The following PPP2R5D variants were observed in gnomAD, a reference collection of about 807,000 sequenced individuals.
PPP2R5D encodes serine/threonine-protein phosphatase 2A 56 kDa regulatory subunit delta isoform.
A neutral mutation model predicts 79.1 loss-of-function variants in PPP2R5D; 12 were observed. The ratio of observed to expected loss-of-function variants is 0.15; its 90% CI spans 0.10 to 0.25. The LOEUF (loss-of-function observed/expected upper bound fraction) is 0.25. Ranked by LOEUF, PPP2R5D falls within the 10% of genes least tolerant of loss-of-function variation. The pLI is 1.00. For missense variants in PPP2R5D, 419 were observed against 760.2 expected (o/e 0.55, Z 5.28); for synonymous variants, 277 against 286.6 (o/e 0.97, Z 0.34).
chr6:42,984,829 G>C (rs1770706337), intron 1 of PPP2R5D, 125 bp downstream of exon 1: 1 of 1,426,372 alleles, frequency 7.0e-7, no homozygotes, highest in South Asian at 1.4e-5. Context: ...GGACTCCTGG[G>C]GCCAGCCCTC....
chr6:42,990,181 A>G (rs1771159371), intron 2 of PPP2R5D, among the ~76,000 whole-genome samples: 1 of 152,238 alleles, frequency 6.6e-6, no homozygotes, highest in African/African-American at 2.4e-5. Context: ...AGCGCAGCTT[A>G]GCAATCTCGG....
At position 42,994,287 on chromosome 6, in the gene PPP2R5D, T is replaced by C. The variant is rs149959713; in HGVS notation, c.105+4599T>C. On this transcript the variant is annotated intron_variant, in intron 2 of 15. Coordinates refer to ENST00000485511, the MANE Select transcript of PPP2R5D (RefSeq NM_006245.4). ...CTTGGGGGAGAGAGCAAGACTCTTGTCTCAAAAGGAAATGTTAAGTAGCTT... is the reference window on the plus strand; with the variant it reads ...CTTGGGGGAGAGAGCAAGACTCTTGCCTCAAAAGGAAATGTTAAGTAGCTT... 1.0e-3 allele frequency among the ~76,000 whole-genome samples: 155 copies of C among 152,264 alleles called. 1 individual carries two copies. Among genetic ancestry groups the C allele is most frequent in the Non-Finnish European group, 1.7e-3 (117 of 68,022 alleles).
chr6:43,005,154 T>C (rs1762001629), intron 2 of PPP2R5D, among the ~76,000 whole-genome samples: 1 of 151,786 alleles, frequency 6.6e-6, no homozygotes, highest in Non-Finnish European at 1.5e-5. Flanking sequence ...TTTTTTTTTT[T>C]TTTCTTTTTG....
rs537626062 is a variant in PPP2R5D at position 43,004,790 on chromosome 6, C to T, written c.106-1673C>T. Among the ~76,000 whole-genome samples the T allele has an allele frequency of 2.9e-4, 44 of 149,962 alleles. 1 individual carries two copies. Among genetic ancestry groups the T allele is most frequent in the African/African-American group, 1.0e-3 (42 of 40,684 alleles). On this transcript the variant is annotated intron_variant, in intron 2 of 15. Transcript: ENST00000485511. ...TTTTTTTTTGAGGCAGAGTCTCACT[C>T]TGTCATCCAGGCTGGAGTGCAATGG...
rs1762159592 is a variant in PPP2R5D, at chr6:43,007,617, C to T, written c.726+111C>T. 9.0e-7 allele frequency: 1 copy of T among 1,117,020 alleles called. No homozygotes were observed. Among genetic ancestry groups the T allele is most frequent in the African/African-American group, 1.6e-5 (1 of 64,306 alleles). The allele number at this position is 1,117,020 out of a possible 1,614,324, so 69.2% of individuals were successfully genotyped here. On this transcript the variant is annotated intron_variant, in intron 6 of 15. Transcript: ENST00000485511. The surrounding 1 kb of genome is among the most constrained non-coding windows in gnomAD (Gnocchi z 4.5). ...TGAATATATTGGGTTTCATCCATGT[C>T]TGGTACGAGGAGGCTATAAAGGGTA...
chr6:43,011,117 C>G (rs1386085887), intron 15 of PPP2R5D, 32 bp from the exon 16 acceptor site: 1 of 1,613,816 alleles, frequency 6.2e-7, no homozygotes, highest in Non-Finnish European at 8.5e-7. Flanking sequence ...GAATTGGTCA[C>G]CATTCCTCAC....
rs1771838823 is a variant in PPP2R5D at position 42,998,013 on chromosome 6, ATTTATATATATAT to A, written c.105+8326_105+8338del. Among the ~76,000 whole-genome samples the A allele has an allele frequency of 5.4e-3, 208 of 38,418 alleles. 18 individuals carry two copies. Among genetic ancestry groups the A allele is most frequent in the African/African-American group, 0.016 (192 of 11,968 alleles). The allele number at this position is 38,418 out of a possible 152,430, so 25.2% of individuals were successfully genotyped here. A position where few individuals can be genotyped will look rare whatever the true frequency, so the allele number is the denominator to read the frequency against. On this transcript the variant is annotated intron_variant, in intron 2 of 15. Transcript: ENST00000485511. ...ATTTATATTTGAATATTTGGGTTTT[ATTTATATATATAT>A]ATATATATATATATATATATATATA... is the stretch of plus-strand genomic sequence containing the variant.
Position 43,008,991 on chromosome 6 carries a change from G to T in PPP2R5D, c.1081-66G>T. 2 of 1,562,726 alleles carry T rather than the reference G, an allele frequency of 1.3e-6. No homozygotes were observed. Among genetic ancestry groups the T allele is most frequent in the South Asian group, 2.4e-5 (2 of 84,814 alleles). ...CCAGGGTGGGGGAGAGAGCAGGTAG[G>T]AAAACTTCCTGGTGACCTAGGCAGG... On this transcript the variant is annotated intron_variant, in intron 10 of 15. Transcript: ENST00000485511. This position sits in a 1 kb window ranked among gnomAD's most constrained non-coding sequence, Gnocchi z 4.2.
chr6:43,005,555 T>C (rs1192257803), intron 2 of PPP2R5D, among the ~76,000 whole-genome samples: 2 of 152,162 alleles, frequency 1.3e-5, no homozygotes, highest in African/African-American at 4.8e-5. Context: ...ATCCTCCTGC[T>C]TTGGCTTCCC....
At position 42,998,054 on chromosome 6, in the gene PPP2R5D, TA is replaced by T. The variant is rs1561844052; in HGVS notation, c.105+8367del. On this transcript the variant is annotated intron_variant, in intron 2 of 15. Coordinates refer to ENST00000485511, the MANE Select transcript of PPP2R5D (RefSeq NM_006245.4). ...ATATATATATATATATATATATATA[TA>T]TATTTTTTTTTTTTTTTTTTTTTTT... is the stretch of plus-strand genomic sequence containing the variant. Among the ~76,000 whole-genome samples the T allele has an allele frequency of 1.6e-3, 38 of 23,458 alleles. 1 individual carries two copies. Among genetic ancestry groups the T allele is most frequent in the African/African-American group, 2.1e-3 (16 of 7,700 alleles). 15.4% of individuals were successfully genotyped at this position (23,458 alleles called of 152,430 possible). A position where few individuals can be genotyped will look rare whatever the true frequency, so the allele number is the denominator to read the frequency against.
At chr6:42,999,279 ACAT>A (rs1448700880) in intron 2 of PPP2R5D, among the ~76,000 whole-genome samples, 4 of 152,150 alleles carry the variant, frequency 2.6e-5, no homozygotes, top group Non-Finnish European at 4.4e-5. Context: ...CCTCCCTCTG[ACAT>A]GCATGTTTCC....
At chr6:43,000,831 G>A (rs1581834987) in intron 2 of PPP2R5D, among the ~76,000 whole-genome samples, 1 of 152,226 alleles carries the variant, frequency 6.6e-6, no homozygotes, top group Admixed American at 6.5e-5. Context: ...CAGGACCTGA[G>A]AGCTTTGGCT....
chr6:43,002,251 C>T (rs1444034523), intron 2 of PPP2R5D, among the ~76,000 whole-genome samples: 3 of 151,792 alleles, frequency 2.0e-5, no homozygotes, highest in African/African-American at 7.3e-5. Context: ...GCAACCTCTG[C>T]CTCCCGAGTT....
At position 42,990,699 on chromosome 6, in the gene PPP2R5D, C is replaced by CTTTTTTTT. The variant is rs70990164; in HGVS notation, c.105+1031_105+1038dup. On this transcript the variant is annotated intron_variant, in intron 2 of 15. Coordinates refer to ENST00000485511, the MANE Select transcript of PPP2R5D (RefSeq NM_006245.4). ...TCCTCTGCACTTATGCAGTATTCTA[C>CTTTTTTTT]TTTTTTTTTTTTTTTTTTTTTTTTT... is the stretch of plus-strand genomic sequence containing the variant. 8.1e-4 allele frequency among the ~76,000 whole-genome samples: 42 copies of CTTTTTTTT among 51,602 alleles called. 1 individual carries two copies. The highest frequency in any genetic ancestry group is 1.2e-3 in the Non-Finnish European group (37 of 29,664). 33.9% of individuals were successfully genotyped at this position (51,602 alleles called of 152,430 possible). A position where few individuals can be genotyped will look rare whatever the true frequency, so the allele number is the denominator to read the frequency against.
chr6:42,995,131 T>C (rs964952512), intron 2 of PPP2R5D, among the ~76,000 whole-genome samples: 7 of 136,700 alleles, frequency 5.1e-5, no homozygotes, highest in South Asian at 2.2e-4. Context: ...TCTTTCTTTT[T>C]TTTTTTTTTT....
At position 43,008,981 on chromosome 6, in the gene PPP2R5D, G is replaced by C; in HGVS notation, c.1081-76G>C. The C allele has an allele frequency of 6.6e-7, 1 of 1,524,782 alleles. No individual in the cohort carries two copies. 94.5% of individuals were successfully genotyped at this position (1,524,782 alleles called of 1,614,324 possible). On this transcript the variant is annotated intron_variant, in intron 10 of 15. Coordinates refer to ENST00000485511, the MANE Select transcript of PPP2R5D (RefSeq NM_006245.4). This position sits in a 1 kb window ranked among gnomAD's most constrained non-coding sequence, Gnocchi z 4.2. ...ACTGTGCCCACCAGGGTGGGGGAGA[G>C]AGCAGGTAGGAAAACTTCCTGGTGA...
At chr6:42,984,844 C>A (rs1335647182) in intron 1 of PPP2R5D, 140 bp downstream of exon 1, 10 of 1,351,690 alleles carry the variant, frequency 7.4e-6, no homozygotes, top group Non-Finnish European at 9.9e-6. Flanking sequence ...GCCCTCCGCC[C>A]CCGCGGCTGG....
At chr6:42,994,621 A>ATGG (rs59690433) in intron 2 of PPP2R5D, among the ~76,000 whole-genome samples, 17,755 of 152,054 alleles carry the variant, frequency 0.12, 1,589 homozygotes, top group African/African-American at 0.23. Flanking sequence ...CCTGGCCGAC[A>ATGG]TGGTGAAACC....
At position 43,007,504 on chromosome 6, in the gene PPP2R5D, G is replaced by C; in HGVS notation, c.724G>C (p.Ala242Pro). Residue 242 changes from alanine to proline, a missense_variant and splice_region_variant, in exon 6 of 16, where the codon GCT becomes CCT. By Grantham distance (27) the Ala-to-Pro change is conservative. This residue lies in a region of PPP2R5D where 196 missense variants were observed against 424.5 expected (regional missense o/e 0.46). Coordinates refer to ENST00000485511, the MANE Select transcript of PPP2R5D (RefSeq NM_006245.4). The surrounding 1 kb of genome is among the most constrained non-coding windows in gnomAD (Gnocchi z 4.5). ...GTACATCGACCAGAAGTTTGTACTT[G>C]CTGTGAGTCCCCGAGTTCCTGTCCT... ...KKYIDQKFVL[A>P]LLDLFDSEDP... 6.2e-7 allele frequency: 1 copy of C among 1,605,920 alleles called. No homozygotes were observed. Among genetic ancestry groups the C allele is most frequent in the Non-Finnish European group, 8.5e-7 (1 of 1,172,534 alleles).
Sources: allele counts gnomAD v4.1 joint callset (sites outside exome capture counted in the v4.1 genomes callset), GRCh38; gene constraint gnomAD v4.1.1; regional missense constraint gnomAD v4.1.1; non-coding constraint Gnocchi (gnomAD v3.1); transcripts MANE v1.5; gene names NCBI Gene and HGNC (gene_info 2026-07-23, HGNC 2026-07-21).